SYT9: variants seen among roughly 807,000 people sequenced by gnomAD.
The protein encoded by SYT9 is synaptotagmin-9.
SYT9 carries 22 observed loss-of-function variants against 48.4 expected under a neutral mutation model. That is an observed-to-expected ratio of 0.45 (90% CI 0.32 to 0.65). The LOEUF (loss-of-function observed/expected upper bound fraction) is 0.65. Ranked by LOEUF, SYT9 falls within the 30% of genes least tolerant of loss-of-function variation. The pLI is 0.03. For synonymous variants in SYT9, 265 were observed against 245.0 expected, an observed-to-expected ratio of 1.08 and a Z score of -0.76; for missense variants, 577 against 622.0, an observed-to-expected ratio of 0.93 and a Z score of 0.77.
intron 1 of SYT9, among the ~76,000 whole-genome samples, chr11:7,301,374 C>T (rs1201737184): frequency 2.0e-5 from 3 of 152,096 alleles, no homozygotes; most frequent in Admixed American, 2.0e-4. Context: ...CAAGAATGAC[C>T]AAGTACCTTC....
intron 1 of SYT9, among the ~76,000 whole-genome samples, chr11:7,253,403 T>C (rs966330435): frequency 1.5e-4 from 23 of 152,224 alleles, no homozygotes; most frequent in African/African-American, 5.1e-4. Context: ...GAAAACAATT[T>C]ATTATATAAA....
chr11:7,304,289 T>A (rs7938503), intron 2 of SYT9, among the ~76,000 whole-genome samples: 7,258 of 152,300 alleles, frequency 0.048, 218 homozygotes, highest in East Asian at 0.11. Context: ...GCTCAGATGT[T>A]GCACAAAAGT....
intron 3 of SYT9, among the ~76,000 whole-genome samples, chr11:7,375,385 G>A (rs1407351140): frequency 6.6e-6 from 1 of 152,128 alleles, no homozygotes; most frequent in Non-Finnish European, 1.5e-5. Context: ...GTTTAGGATT[G>A]TCTTGGCTAT....
rs1006988120 is a variant in SYT9 at position 7,346,243 on chromosome 11, G to T, written c.1044+32302G>T. On this transcript the variant is annotated intron_variant, in intron 3 of 6. Coordinates refer to ENST00000318881, the MANE Select transcript of SYT9 (RefSeq NM_175733.4). ...GAAGAGGAGGACTGAAATTGGGAAG[G>T]AATTTTTCAAAATGGGAGAAAACAG... Among the ~76,000 whole-genome samples, 4 of 152,158 alleles carry T rather than the reference G, an allele frequency of 2.6e-5. No homozygotes were observed. In the East Asian group the frequency reaches 7.7e-4, roughly 29 times the overall value.
chr11:7,254,620 T>G (rs995509061), intron 1 of SYT9, among the ~76,000 whole-genome samples: 1 of 152,194 alleles, frequency 6.6e-6, no homozygotes, highest in African/African-American at 2.4e-5. Flanking sequence ...ACAGCAGCCC[T>G]GAGACATGGG....
At chr11:7,302,933 G>A (rs1160504861) in intron 1 of SYT9, 106 bp from the exon 2 acceptor site, 23 of 1,035,416 alleles carry the variant, frequency 2.2e-5, no homozygotes, top group Non-Finnish European at 2.8e-5. Context: ...TTCCGCAGTC[G>A]GCTCCCAAGG....
chr11:7,352,335 G>A (rs1438637968), intron 3 of SYT9, among the ~76,000 whole-genome samples: 3 of 148,222 alleles, frequency 2.0e-5, no homozygotes, highest in East Asian at 2.0e-4. Context: ...CAGCAAAGCC[G>A]CTGGGTTTGC....
intron 3 of SYT9, among the ~76,000 whole-genome samples, chr11:7,346,893 C>G (rs747434086): frequency 6.6e-6 from 1 of 152,198 alleles, no homozygotes; most frequent in Non-Finnish European, 1.5e-5. Context: ...TCTTCACTTG[C>G]AATTTTTATA....
chr11:7,393,688 G>A (rs2134064330), intron 3 of SYT9, among the ~76,000 whole-genome samples: 1 of 152,174 alleles, frequency 6.6e-6, no homozygotes, highest in Admixed American at 6.5e-5. Context: ...TTCTATGCCT[G>A]ATATAATTCA....
intron 1 of SYT9, among the ~76,000 whole-genome samples, chr11:7,300,521 C>A (rs1848899100): frequency 2.0e-5 from 3 of 152,230 alleles, no homozygotes; most frequent in South Asian, 4.1e-4. Flanking sequence ...ACAGTTATCT[C>A]ATCACATTCC....
At chr11:7,280,315 G>A (rs1848470856) in intron 1 of SYT9, among the ~76,000 whole-genome samples, 1 of 152,218 alleles carries the variant, frequency 6.6e-6, no homozygotes, top group Non-Finnish European at 1.5e-5. Context: ...CAACAAGCCT[G>A]TTGGTTGATA....
intron 3 of SYT9, among the ~76,000 whole-genome samples, chr11:7,351,117 AT>A (rs1849906979): frequency 6.6e-6 from 1 of 152,194 alleles, no homozygotes; most frequent in Admixed American, 6.5e-5. Context: ...ATCTTTAATG[AT>A]TTTTTTAACC....
intron 1 of SYT9, among the ~76,000 whole-genome samples, chr11:7,295,913 A>G (rs1253192603): frequency 6.6e-6 from 1 of 152,150 alleles, no homozygotes; most frequent in Non-Finnish European, 1.5e-5. Context: ...AATATCAGGT[A>G]CTCAATAGGA....
upstream of SYT9, among the ~76,000 whole-genome samples, chr11:7,247,189 G>A (rs1270694340): frequency 6.6e-6 from 1 of 152,028 alleles, no homozygotes; most frequent in African/African-American, 2.4e-5. Flanking sequence ...TGAGATATTG[G>A]TGCATCCATC....
chr11:7,266,796 A>G (rs1299632036), intron 1 of SYT9, among the ~76,000 whole-genome samples: 2 of 152,022 alleles, frequency 1.3e-5, no homozygotes, highest in East Asian at 3.9e-4. Flanking sequence ...ACAGACAATC[A>G]TCAGATTTGA....
intron 2 of SYT9, among the ~76,000 whole-genome samples, chr11:7,311,478 C>T (rs1468154093): frequency 6.6e-6 from 1 of 152,190 alleles, no homozygotes; most frequent in Non-Finnish European, 1.5e-5. Context: ...AGCAGAGTGA[C>T]AGGGCCTAGG....
intron 3 of SYT9, among the ~76,000 whole-genome samples, chr11:7,315,175 A>G (rs1188044945): frequency 6.6e-6 from 1 of 152,250 alleles, no homozygotes; most frequent in Non-Finnish European, 1.5e-5. Context: ...TGCAGAGAAT[A>G]GCAGTTGATG....
At chr11:7,329,236 T>A (rs909962216) in intron 3 of SYT9, among the ~76,000 whole-genome samples, 1 of 152,202 alleles carries the variant, frequency 6.6e-6, no homozygotes, top group African/African-American at 2.4e-5. Context: ...TTCCTATTGA[T>A]AGTGCAGCTG....
At chr11:7,334,644 C>CCCATCCCCCCAATCCCCGCCAT (rs1296577370) in intron 3 of SYT9, among the ~76,000 whole-genome samples, 3 of 151,626 alleles carry the variant, frequency 2.0e-5, no homozygotes, top group Admixed American at 1.3e-4. Flanking sequence ...CTCCCTGCCA[C>CCCATCCCCCCAATCCCCGCCAT]CCATCCCCCC....
Sources: gnomAD v4.1 joint callset for allele counts (sites outside exome capture counted in the v4.1 genomes callset) on GRCh38, gnomAD v4.1.1 for gene constraint, MANE v1.5 for transcripts, NCBI Gene and HGNC (gene_info 2026-07-23, HGNC 2026-07-21) for gene names.